Variants in THSD1 observed in about 807,000 individuals in gnomAD.
The protein encoded by THSD1 is thrombospondin type-1 domain-containing protein 1.
A neutral mutation model predicts 46.3 loss-of-function variants in THSD1; 34 were observed. The ratio of observed to expected loss-of-function variants is 0.74; its 90% CI spans 0.56 to 0.98. THSD1 has a LOEUF of 0.98. Ranked by LOEUF, THSD1 falls within the 50% of genes least tolerant of loss-of-function variation. The probability of loss-of-function intolerance (pLI) is 0.00; values close to 1 mark genes in which losing one functional copy is unlikely to be tolerated. For missense variants in THSD1, 1,023 were observed against 1,058.3 expected, an observed-to-expected ratio of 0.97 and a Z score of 0.46; for synonymous variants, 407 against 416.5, an observed-to-expected ratio of 0.98 and a Z score of 0.28.
intron 4 of THSD1, among the ~76,000 whole-genome samples, chr13:52,382,982 C>T (rs1957704144): frequency 6.6e-6 from 1 of 151,316 alleles, no homozygotes; most frequent in Non-Finnish European, 1.5e-5. Context: ...GCCTGGGCAA[C>T]ACAGCAAGAC....
chr13:52,390,983 C>T (rs1215289946), intron 3 of THSD1, among the ~76,000 whole-genome samples: 1 of 152,112 alleles, frequency 6.6e-6, no homozygotes, highest in Admixed American at 6.6e-5. Flanking sequence ...TAATGGAACT[C>T]ATATTCCATT....
intron 1 of THSD1, chr13:52,402,937 C>T: frequency 1.0e-6 from 1 of 985,406 alleles, no homozygotes; most frequent in Non-Finnish European, 1.2e-6. Flanking sequence ...ACCAAAGTCT[C>T]TTCTCTTTAC....
intron 3 of THSD1, among the ~76,000 whole-genome samples, chr13:52,389,553 G>A (rs969436995): frequency 2.0e-5 from 3 of 151,668 alleles, no homozygotes; most frequent in Admixed American, 6.6e-5. Context: ...GTAAAAAAAC[G>A]GAAGATATGC....
chr13:52,397,673 T>C lies in THSD1; in HGVS notation c.580A>G (p.Thr194Ala), dbSNP rs1253122518. The change falls in exon 3 of 5, where the codon ACA (threonine) becomes GCA (alanine). Residue 194 changes from threonine to alanine, a missense_variant. By Grantham distance (58) the Thr-to-Ala change is moderately conservative (BLOSUM62 0). Around this residue, in one of 3 missense-constraint regions of THSD1, gnomAD observed 429 missense variants for 518.3 expected, o/e 0.83. Coordinates refer to ENST00000258613, the MANE Select transcript of THSD1 (RefSeq NM_018676.4). ...ACCCACTGACCTTGAGCAAGTTCTGTCCTTTTGCTGGTTCTTATTTCCAGC... is the reference window on the plus strand; with the variant it reads ...ACCCACTGACCTTGAGCAAGTTCTGCCCTTTTGCTGGTTCTTATTTCCAGC... The part of the protein sequence containing the change: ...QPLEIRTSKR[T>A]ELAQGQWVEF... 5 of 1,614,222 alleles carry C rather than the reference T, an allele frequency of 3.1e-6. No individual in the cohort carries two copies. In the East Asian group the frequency reaches 1.1e-4, roughly 36 times the overall value.
intron 2 of THSD1, among the ~76,000 whole-genome samples, chr13:52,401,241 G>A (rs1957857608): frequency 6.6e-6 from 1 of 152,112 alleles, no homozygotes; most frequent in African/African-American, 2.4e-5. Context: ...CCAAAGTGCT[G>A]GGATTACAGG....
In THSD1 at chr13:52,377,795, G is replaced by A. The variant is rs759505279; in HGVS notation, c.2175C>T (p.Leu725=). The A allele has an allele frequency of 2.5e-5, 41 of 1,614,094 alleles. No individual in the cohort carries two copies. The South Asian group carries it at 4.3e-4, about 17-fold the overall frequency. ...GCTGCCCCAAAGTGTAGGATTTAGGGAGAGGGTTTAATGGACCACGGGTTC... is the reference window on the plus strand; with the variant it reads ...GCTGCCCCAAAGTGTAGGATTTAGGAAGAGGGTTTAATGGACCACGGGTTC... The part of the protein sequence containing the change: ...ASGTRGPLNP[L]PKSYTLGQPL... The change falls in exon 5 of 5, where the codon CTC becomes CTT. Residue 725 remains leucine (L), a synonymous_variant. Coordinates refer to ENST00000258613, the MANE Select transcript of THSD1 (RefSeq NM_018676.4).
intron 4 of THSD1, 118 bp from the exon 5 acceptor site, chr13:52,378,907 G>A: frequency 8.6e-7 from 1 of 1,161,602 alleles, no homozygotes; most frequent in Non-Finnish European, 1.2e-6. Flanking sequence ...CTGTTGCCCA[G>A]GCTGGAGTGC....
chr13:52,396,648 G>A (rs1201806484), intron 3 of THSD1, among the ~76,000 whole-genome samples: 2 of 152,160 alleles, frequency 1.3e-5, no homozygotes, highest in African/African-American at 4.8e-5. Context: ...GCAGCATAGG[G>A]AATTAATGGA....
At chr13:52,387,288 C>A (rs1957739953) in intron 3 of THSD1, among the ~76,000 whole-genome samples, 1 of 152,118 alleles carries the variant, frequency 6.6e-6, no homozygotes, top group African/African-American at 2.4e-5. Flanking sequence ...ATGGTAAAAA[C>A]CCAAACATAG....
chr13:52,393,726 AGT>A (rs1235643599), intron 3 of THSD1, among the ~76,000 whole-genome samples: 2 of 152,234 alleles, frequency 1.3e-5, no homozygotes, highest in African/African-American at 4.8e-5. Context: ...TAATAAATTC[AGT>A]GTGAGTCAGT....
intron 3 of THSD1, among the ~76,000 whole-genome samples, chr13:52,388,978 T>TTTTA (rs202098423): frequency 3.3e-5 from 5 of 151,916 alleles, no homozygotes; most frequent in African/African-American, 1.2e-4. Flanking sequence ...TTTTTTTTTT[T>TTTTA]TGAGACAGAT....
chr13:52,386,278 G>T, intron 3 of THSD1, 92 bp from the exon 4 acceptor site: 1 of 1,388,240 alleles, frequency 7.2e-7, no homozygotes, highest in East Asian at 2.3e-5. Context: ...TCAAATCTCA[G>T]GTCTTGAAAA....
At chr13:52,389,086 A>G (rs111818787) in intron 3 of THSD1, among the ~76,000 whole-genome samples, 2,016 of 151,890 alleles carry the variant, frequency 0.013, 30 homozygotes, top group African/African-American at 0.039. Context: ...TCAGCCTCCC[A>G]AGTAGCTGGG....
chr13:52,382,802 A>C (rs1433677797), intron 4 of THSD1, among the ~76,000 whole-genome samples: 1 of 152,008 alleles, frequency 6.6e-6, no homozygotes, highest in East Asian at 1.9e-4. Flanking sequence ...GGAGTTCGAG[A>C]CCAGCCTGGC....
intron 3 of THSD1, among the ~76,000 whole-genome samples, chr13:52,392,399 C>A (rs1197699712): frequency 1.7e-4 from 26 of 152,152 alleles, no homozygotes. Flanking sequence ...TCCCTGAGAT[C>A]TCCGCTAATA....
In THSD1 at chr13:52,402,583, T is replaced by C. The variant is rs1291382925; in HGVS notation, c.18A>G (p.Lys6=). The stretch of plus-strand genomic sequence containing the variant: ...CCACCAACAATAGATTTGAAAAGTC[T>C]TTCAACATTGGTTTCATTCTGATTG... MKPML[K]DFSNLLLVVL... is the part of the protein sequence containing the mutation. The change falls in exon 2 of 5, where the codon AAA becomes AAG. Residue 6 remains lysine, a synonymous_variant. Coordinates refer to ENST00000258613, the MANE Select transcript of THSD1 (RefSeq NM_018676.4). 1 of 1,614,022 alleles carries C rather than the reference T, an allele frequency of 6.2e-7. No individual in the cohort carries two copies. Among genetic ancestry groups the C allele is most frequent in the South Asian group, 1.1e-5 (1 of 91,068 alleles).
intron 4 of THSD1, among the ~76,000 whole-genome samples, chr13:52,381,229 C>A (rs573411586): frequency 1.3e-5 from 2 of 152,308 alleles, no homozygotes; most frequent in Admixed American, 6.5e-5. Context: ...AACCTCAATT[C>A]TCTTGACCTC....
Position 52,377,574 on chromosome 13 carries a change from T to C in THSD1, c.2396A>G (p.Lys799Arg). 6.2e-7 allele frequency: 1 copy of C among 1,601,092 alleles called. No homozygotes were observed. The highest frequency in any genetic ancestry group is 8.5e-7 in the Non-Finnish European group (1 of 1,170,788). Residue 799 changes from lysine (K) to arginine (R), a missense_variant, in exon 5 of 5, where the codon AAG (lysine) becomes AGG (arginine). Transcript: ENST00000258613. ...AGGGTGAGTGGGGAAGCTTTGACAC[T>C]TGTCTTTTCTACACTGAGAAGGGCT... Reference protein sequence around the residue: ...SLSPSQCRKDKCQSFPTHPEF... With the variant: ...SLSPSQCRKDRCQSFPTHPEF...
chr13:52,387,576 T>A, intron 3 of THSD1, among the ~76,000 whole-genome samples: 1 of 152,170 alleles, frequency 6.6e-6, no homozygotes, highest in Admixed American at 6.5e-5. Context: ...AAAACTTTAG[T>A]GGAAAAGGTG....
Sources: gnomAD v4.1 joint callset for allele counts (sites outside exome capture counted in the v4.1 genomes callset) on GRCh38, gnomAD v4.1.1 for gene constraint, gnomAD v4.1.1 regional missense constraint, MANE v1.5 for transcripts, NCBI Gene and HGNC (gene_info 2026-07-23, HGNC 2026-07-21) for gene names.